HDAC9: variants seen among roughly 807,000 people sequenced by gnomAD.
HDAC9 encodes the protein histone deacetylase 9.
Under a neutral mutation model 139.4 loss-of-function variants are expected in HDAC9, and 41 were observed. The observed-to-expected ratio is 0.29, with a 90% confidence interval of 0.23 to 0.38. The LOEUF is 0.38. HDAC9 is among the 10% of genes least tolerant of loss of function. The pLI is 1.00. For synonymous variants in HDAC9, 517 were observed against 476.2 expected (o/e 1.09, Z -1.12); for missense variants, 1,147 against 1,297.0 (o/e 0.88, Z 1.78).
At chr7:18,202,636 G>A (rs1791216319) in intron 2 of HDAC9, among the ~76,000 whole-genome samples, 1 of 152,168 alleles carries the variant, frequency 6.6e-6, no homozygotes, top group Non-Finnish European at 1.5e-5. Flanking sequence ...TAAGATTTAA[G>A]GTGTTCCAGT....
chr7:18,544,596 C>A (rs1419911729), intron 2 of HDAC9, among the ~76,000 whole-genome samples: 1 of 152,120 alleles, frequency 6.6e-6, no homozygotes, highest in East Asian at 1.9e-4. Context: ...GTTCTGAGGT[C>A]TGAACTCTGG....
chr7:18,991,654 A>T lies in HDAC9; in HGVS notation c.3171-4369A>T, dbSNP rs138614140. On this transcript the variant is annotated intron_variant, in intron 25 of 25. Coordinates refer to ENST00000686413, the MANE Select transcript of HDAC9 (RefSeq NM_178425.4). ...TCCGTCTCAAAAGAAAAAAAAAAAA[A>T]AGAAGTCATCAGTGAGATAAACAGA... Among the ~76,000 whole-genome samples the T allele has an allele frequency of 7.7e-4, 117 of 152,036 alleles. 1 individual carries two copies. The East Asian group carries it at 0.014, about 19-fold the overall frequency.
Position 18,936,011 on chromosome 7 carries a change from TAAA to T in HDAC9, c.2937+76_2937+78del, listed in dbSNP as rs199999076. The T allele has an allele frequency of 5.5e-6, 8 of 1,443,736 alleles. No individual in the cohort carries two copies. The South Asian group carries it at 9.3e-5, about 17-fold the overall frequency. The allele number at this position is 1,443,736 out of a possible 1,614,324, so 89.4% of individuals were successfully genotyped here. A position where few individuals can be genotyped will look rare whatever the true frequency, so the allele number is the denominator to read the frequency against. On this transcript the variant is annotated intron_variant, in intron 23 of 25. Transcript: ENST00000686413. The stretch of plus-strand genomic sequence containing the variant: ...GATGTATGCATGCATATTTTTAAAC[TAAA>T]AAAAAATTCTGCATACTCAGAAAGC...
intron 5 of HDAC9, among the ~76,000 whole-genome samples, chr7:18,593,616 C>T (rs1400604883): frequency 6.6e-6 from 1 of 152,180 alleles, no homozygotes; most frequent in Non-Finnish European, 1.5e-5. Context: ...AGAACATAGG[C>T]AGTAATCTCA....
chr7:18,288,764 G>T (rs1585016159), upstream of HDAC9, among the ~76,000 whole-genome samples: 1 of 152,010 alleles, frequency 6.6e-6, no homozygotes, highest in Non-Finnish European at 1.5e-5. Context: ...TCCTAAAGAG[G>T]CTTACAGGCT....
chr7:18,325,443 G>A (rs1800363073), intron 1 of HDAC9: 1 of 151,990 alleles, frequency 6.6e-6, no homozygotes, highest in South Asian at 2.1e-4. Context: ...AGCAATTTGA[G>A]TTCCATATAG....
intron 1 of HDAC9, among the ~76,000 whole-genome samples, chr7:18,459,333 C>G (rs1313931518): frequency 6.6e-6 from 1 of 151,938 alleles, no homozygotes; most frequent in African/African-American, 2.4e-5. Context: ...TAGAAGGATA[C>G]TATAGTGGAG....
At chr7:18,232,963 A>G (rs1009487980) in intron 2 of HDAC9, among the ~76,000 whole-genome samples, 2 of 152,268 alleles carry the variant, frequency 1.3e-5, no homozygotes, top group Admixed American at 6.5e-5. Flanking sequence ...TGCGTGCTGT[A>G]CTCTTCTCTC....
intron 22 of HDAC9, among the ~76,000 whole-genome samples, chr7:18,915,585 T>C (rs1293992569): frequency 6.7e-6 from 1 of 150,316 alleles, no homozygotes; most frequent in East Asian, 2.0e-4. Flanking sequence ...AAATCAGGAG[T>C]CCAGAAGTTT....
chr7:18,556,918 G>A (rs373789956), intron 2 of HDAC9, among the ~76,000 whole-genome samples: 14 of 151,964 alleles, frequency 9.2e-5, no homozygotes, highest in Admixed American at 5.2e-4. Flanking sequence ...CTGTTTAATT[G>A]CTTATTGGTT....
intron 6 of HDAC9, among the ~76,000 whole-genome samples, chr7:18,618,535 A>T (rs538061332): frequency 3.9e-5 from 6 of 151,996 alleles, no homozygotes; most frequent in African/African-American, 1.4e-4. Context: ...CCTATCAAGC[A>T]CTGGGATGCA....
At chr7:18,154,558 A>G (rs1375773658) in intron 1 of HDAC9, among the ~76,000 whole-genome samples, 1 of 152,182 alleles carries the variant, frequency 6.6e-6, no homozygotes, top group East Asian at 1.9e-4. Flanking sequence ...AAGCCTCACA[A>G]TGACCTCATA....
At chr7:18,224,093 C>T (rs971689578) in intron 2 of HDAC9, among the ~76,000 whole-genome samples, 1 of 151,982 alleles carries the variant, frequency 6.6e-6, no homozygotes, top group Non-Finnish European at 1.5e-5. Context: ...AGGTATATTC[C>T]TGGGTTAAAT....
chr7:18,698,634 C>G (rs1783231037), intron 12 of HDAC9, among the ~76,000 whole-genome samples: 1 of 152,134 alleles, frequency 6.6e-6, no homozygotes, highest in Non-Finnish European at 1.5e-5. Flanking sequence ...CATTTTTCCC[C>G]TTGAAACTTC....
chr7:18,125,005 A>G (rs1274431292), intron 1 of HDAC9, among the ~76,000 whole-genome samples: 2 of 152,036 alleles, frequency 1.3e-5, no homozygotes, highest in Non-Finnish European at 2.9e-5. Context: ...CTGTAGAGAA[A>G]GATAAAAGAA....
intron 21 of HDAC9, among the ~76,000 whole-genome samples, chr7:18,867,428 A>T (rs1340536540): frequency 1.3e-5 from 2 of 152,320 alleles, no homozygotes; most frequent in Middle Eastern, 3.4e-3. Context: ...CATTGAACAT[A>T]AATTTCTGAG....
At chr7:18,253,505 G>A (rs1795054862) in intron 2 of HDAC9, among the ~76,000 whole-genome samples, 2 of 152,224 alleles carry the variant, frequency 1.3e-5, no homozygotes, top group South Asian at 4.1e-4. Context: ...AATGATCAGT[G>A]ATACTGAGCT....
rs1562893330 is a variant in HDAC9, at chr7:18,732,887, ATGTGTACACACACACGTGTGCG to A, written c.1909+5132_1909+5153del. ...TATGTGTACACACACACGTGTGCGT[ATGTGTACACACACACGTGTGCG>A]TATGTGTATACACACGTGTGTATGT... On this transcript the variant is annotated intron_variant, in intron 13 of 25. Coordinates refer to ENST00000686413, the MANE Select transcript of HDAC9 (RefSeq NM_178425.4). Among the ~76,000 whole-genome samples, 9 of 96,190 alleles carry A rather than the reference ATGTGTACACACACACGTGTGCG, an allele frequency of 9.4e-5. 3 individuals are homozygous for A. Among genetic ancestry groups the A allele is most frequent in the African/African-American group, 4.4e-4 (9 of 20,514 alleles). The allele number at this position is 96,190 out of a possible 152,430, so 63.1% of individuals were successfully genotyped here.
chr7:18,158,263 G>A (rs1160925208), intron 1 of HDAC9, among the ~76,000 whole-genome samples: 2 of 152,310 alleles, frequency 1.3e-5, no homozygotes, highest in East Asian at 1.9e-4. Context: ...GGAACATGAA[G>A]TCTAAGTCAA....
Sources: allele counts gnomAD v4.1 joint callset (sites outside exome capture counted in the v4.1 genomes callset), GRCh38; gene constraint gnomAD v4.1.1; transcripts MANE v1.5; gene names NCBI Gene and HGNC (gene_info 2026-07-23, HGNC 2026-07-21).